FASTKD1: variants seen among roughly 807,000 people sequenced by gnomAD.
The protein encoded by FASTKD1 is FAST kinase domain-containing protein 1, mitochondrial.
A neutral mutation model predicts 90.9 loss-of-function variants in FASTKD1; 94 were observed. The observed-to-expected ratio is 1.03, with a 90% CI of 0.88 to 1.23. The LOEUF (loss-of-function observed/expected upper bound fraction) is 1.23. Among genes scored for constraint, FASTKD1 ranks in the 50% most tolerant of loss-of-function variants. FASTKD1 has a pLI of 0.00. For missense variants in FASTKD1, 945 were observed against 993.5 expected (o/e 0.95, Z 0.66); for synonymous variants, 319 against 345.8 (o/e 0.92, Z 0.86).
chr2:169,570,322 A>C (rs997449449), intron 2 of FASTKD1, among the ~76,000 whole-genome samples: 1 of 151,516 alleles, frequency 6.6e-6, no homozygotes, highest in East Asian at 1.9e-4. Flanking sequence ...ATTTCTTTTT[A>C]TTTTTTTTCC....
At position 169,558,915 on chromosome 2, in the gene FASTKD1, T is replaced by C. The variant is rs545243177; in HGVS notation, c.971+1472A>G. Among the ~76,000 whole-genome samples, 956 of 152,036 alleles carry C rather than the reference T, an allele frequency of 6.3e-3. 4 individuals carry two copies. Among genetic ancestry groups the C allele is most frequent in the Non-Finnish European group, 0.01 (698 of 67,966 alleles). ...CAATAGTTTTTTTTAATAATCACCT[T>C]GTTTCCATCTTGATATAGTCTTAAG... On this transcript the variant is annotated intron_variant, in intron 5 of 14. Coordinates refer to ENST00000453153, the MANE Select transcript of FASTKD1 (RefSeq NM_024622.6).
chr2:169,548,781 G>A lies in FASTKD1; in HGVS notation c.1215-2077C>T, dbSNP rs562797612. Among the ~76,000 whole-genome samples the A allele has an allele frequency of 7.5e-5, 11 of 146,814 alleles. No individual in the cohort carries two copies. In the South Asian group the frequency reaches 2.4e-3, roughly 32 times the overall value. On this transcript the variant is annotated intron_variant, in intron 7 of 14. Transcript: ENST00000453153. Reference sequence around the variant, plus strand: ...ACTTTAGGTATAGAAGTAGTGGAAGGAATAATACAATCTAAATTAAAACAA... The same window carrying A: ...ACTTTAGGTATAGAAGTAGTGGAAGAAATAATACAATCTAAATTAAAACAA...
Position 169,531,358 on chromosome 2 carries a change from GC to G in FASTKD1, c.2320del (p.Ala774LeufsTer21). The G allele has an allele frequency of 6.2e-7, 1 of 1,613,380 alleles. No individual in the cohort carries two copies. Among genetic ancestry groups the G allele is most frequent in the Non-Finnish European group, 8.5e-7 (1 of 1,179,640 alleles). On this transcript the variant is annotated frameshift_variant, in exon 13 of 15. Coordinates refer to ENST00000453153, the MANE Select transcript of FASTKD1 (RefSeq NM_024622.6). LOFTEE classifies it high-confidence loss of function. ...AAACTAAGAAATAAATTACCTTTCAGCCCCTGGTGGCAGCCTTGATCCAACT... is the reference window on the plus strand; with the variant it reads ...AAACTAAGAAATAAATTACCTTTCAGCCCTGGTGGCAGCCTTGATCCAACT... ...EIVGSRLPPG[A>X]ERIALEFLDS...
At position 169,529,282 on chromosome 2, in the gene FASTKD1, G is replaced by T. The variant is rs2105318473; in HGVS notation, c.*543C>A. Among the ~76,000 whole-genome samples the T allele has an allele frequency of 6.6e-6, 1 of 151,546 alleles. No individual in the cohort carries two copies. Among genetic ancestry groups the T allele is most frequent in the African/African-American group, 2.4e-5 (1 of 41,240 alleles). On this transcript the variant is annotated 3_prime_UTR_variant, in exon 15 of 15. Transcript: ENST00000453153. ...CTTAGTTGCTTAGGACAAAAACTTA[G>T]AATTATCCTTGACTCCTATTTGTCT... is the stretch of plus-strand genomic sequence containing the variant.
At chr2:169,566,637 G>A (rs1683999308) in intron 3 of FASTKD1, among the ~76,000 whole-genome samples, 1 of 152,050 alleles carries the variant, frequency 6.6e-6, no homozygotes, top group African/African-American at 2.4e-5. Context: ...GCTTGAGCCT[G>A]GAAGTCTGAG....
chr2:169,560,839 C>CTTTTTT (rs1204635514), intron 4 of FASTKD1, 54 bp from the exon 5 acceptor site: 6 of 249,078 alleles, frequency 2.4e-5, no homozygotes, highest in Admixed American at 1.1e-4. Flanking sequence ...ATGATCAATT[C>CTTTTTT]TTTTTTTTTT....
At chr2:169,557,396 T>A (rs1040260227) in intron 5 of FASTKD1, 99 bp from the exon 6 acceptor site, 41 of 542,896 alleles carry the variant, frequency 7.6e-5, no homozygotes, top group African/African-American at 6.6e-4. Context: ...GGAAAAAAAA[T>A]ATAAACAAAA....
Position 169,572,084 on chromosome 2 carries a change from G to A in FASTKD1, c.-55C>T. 6.6e-7 allele frequency: 1 copy of A among 1,519,188 alleles called. No homozygotes were observed. Among genetic ancestry groups the A allele is most frequent in the South Asian group, 1.4e-5 (1 of 74,028 alleles). The allele number at this position is 1,519,188 out of a possible 1,614,324, so 94.1% of individuals were successfully genotyped here. ...AACCATCTGCAACTAGTCGTCAGGTGCAATAAGCAGGGATACAAATAACAG... is the reference window on the plus strand; with the variant it reads ...AACCATCTGCAACTAGTCGTCAGGTACAATAAGCAGGGATACAAATAACAG... On this transcript the variant is annotated 5_prime_UTR_variant, in exon 2 of 15. Coordinates refer to ENST00000453153, the MANE Select transcript of FASTKD1 (RefSeq NM_024622.6).
intron 12 of FASTKD1, among the ~76,000 whole-genome samples, chr2:169,533,493 C>A (rs1222789060): frequency 6.6e-6 from 1 of 152,140 alleles, no homozygotes; most frequent in Admixed American, 6.5e-5. Context: ...TGTTTGTGGA[C>A]TTTAGTCTCC....
At chr2:169,551,378 C>G (rs368415935) in intron 7 of FASTKD1, among the ~76,000 whole-genome samples, 1 of 152,052 alleles carries the variant, frequency 6.6e-6, no homozygotes, top group Admixed American at 6.5e-5. Context: ...GGAAATAAAT[C>G]GAATATCCAT....
intron 12 of FASTKD1, among the ~76,000 whole-genome samples, chr2:169,532,416 A>G (rs1684529234): frequency 6.6e-6 from 1 of 150,954 alleles, no homozygotes; most frequent in African/African-American, 2.4e-5. Flanking sequence ...AAAAAAAAAA[A>G]GGAAAGAAAG....
At chr2:169,558,997 A>G (rs1683459983) in intron 5 of FASTKD1, among the ~76,000 whole-genome samples, 1 of 145,876 alleles carries the variant, frequency 6.9e-6, no homozygotes, top group Non-Finnish European at 1.5e-5. Flanking sequence ...TTTTTGAGTC[A>G]GAGTTTCGCT....
intron 7 of FASTKD1, among the ~76,000 whole-genome samples, chr2:169,554,169 G>A (rs529132873): frequency 9.1e-4 from 134 of 146,824 alleles, no homozygotes; most frequent in African/African-American, 3.1e-3. Flanking sequence ...GAGGCGGGAG[G>A]ATCACTTCAG....
Position 169,531,476 on chromosome 2 carries a change from A to G in FASTKD1, c.2203T>C (p.Leu735=). ...GGAAGAGGTTTTTTTCTTTTATCCA[A>G]GATACACTCAAAATCTTAAGGAAGC... The part of the protein sequence containing the change: ...YYHKVDFECI[L]DKRKKPLPYG... The change falls in exon 13 of 15, where the codon TTG becomes CTG. Residue 735 remains leucine (L), a synonymous_variant. Coordinates refer to ENST00000453153, the MANE Select transcript of FASTKD1 (RefSeq NM_024622.6). 6.2e-7 allele frequency: 1 copy of G among 1,605,476 alleles called. No homozygotes were observed. Among genetic ancestry groups the G allele is most frequent in the East Asian group, 2.2e-5 (1 of 44,816 alleles).
Position 169,562,868 on chromosome 2 carries a change from C to T in FASTKD1, c.572+357G>A, listed in dbSNP as rs567113840. Among the ~76,000 whole-genome samples the T allele has an allele frequency of 2.6e-5, 4 of 152,266 alleles. No individual in the cohort carries two copies. In the South Asian group the frequency reaches 8.3e-4, roughly 32 times the overall value. On this transcript the variant is annotated intron_variant, in intron 4 of 14. Transcript: ENST00000453153. Reference sequence around the variant, plus strand: ...ATCAACACAAGAAAATTCTGGTACTCTGCTACTGCTATTGCTATAAAAAAC... The same window carrying T: ...ATCAACACAAGAAAATTCTGGTACTTTGCTACTGCTATTGCTATAAAAAAC...
At chr2:169,542,152 C>T (rs1017456194) in intron 9 of FASTKD1, among the ~76,000 whole-genome samples, 3 of 152,148 alleles carry the variant, frequency 2.0e-5, no homozygotes, top group African/African-American at 2.4e-5. Flanking sequence ...ACCATCTGAC[C>T]TTAGAGCCTT....
chr2:169,565,823 C>T (rs1293037247), intron 3 of FASTKD1, among the ~76,000 whole-genome samples: 1 of 152,142 alleles, frequency 6.6e-6, no homozygotes, highest in Non-Finnish European at 1.5e-5. Context: ...TGCAGGGTTC[C>T]CTTTTCTCCA....
chr2:169,533,998 C>T (rs1292222717), intron 12 of FASTKD1, among the ~76,000 whole-genome samples: 1 of 151,586 alleles, frequency 6.6e-6, no homozygotes, highest in Non-Finnish European at 1.5e-5. Context: ...TGGTGAAACC[C>T]CATCTCTACA....
chr2:169,566,003 T>C (rs545413909), intron 3 of FASTKD1, among the ~76,000 whole-genome samples: 13 of 152,222 alleles, frequency 8.5e-5, no homozygotes, highest in Non-Finnish European at 1.9e-4. Flanking sequence ...TCAAATCTTT[T>C]GCCCATTTTT....
Sources: gnomAD v4.1 joint callset for allele counts (sites outside exome capture counted in the v4.1 genomes callset) on GRCh38, gnomAD v4.1.1 for gene constraint, MANE v1.5 for transcripts, NCBI Gene and HGNC (gene_info 2026-07-23, HGNC 2026-07-21) for gene names.